The following RAI14 variants were observed in gnomAD, a reference collection of about 807,000 sequenced individuals.
RAI14 encodes retinoic acid induced 14.
Under a neutral mutation model 115.4 loss-of-function variants are expected in RAI14, and 45 were observed. That is an observed-to-expected ratio of 0.39 (90% CI 0.31 to 0.50). The LOEUF is 0.50. RAI14 is among the 20% of genes least tolerant of loss of function. The pLI is 0.85. For missense variants in RAI14, 939 were observed against 1,131.2 expected, an observed-to-expected ratio of 0.83 and a Z score of 2.44; for synonymous variants, 371 against 415.4, an observed-to-expected ratio of 0.89 and a Z score of 1.30.
At chr5:34,731,867 C>T (rs981923560) in intron 2 of RAI14, among the ~76,000 whole-genome samples, 21 of 152,180 alleles carry the variant, frequency 1.4e-4, no homozygotes, top group Non-Finnish European at 1.5e-5. Flanking sequence ...AACCCAAAAA[C>T]GAATGACCTG....
chr5:34,736,502 A>G (rs1383897364), intron 2 of RAI14, among the ~76,000 whole-genome samples: 1 of 152,178 alleles, frequency 6.6e-6, no homozygotes, highest in Non-Finnish European at 1.5e-5. Flanking sequence ...CCGTTCATTA[A>G]GTAGACTGAT....
At chr5:34,801,356 T>C (rs1322791462) in intron 4 of RAI14, among the ~76,000 whole-genome samples, 1 of 152,224 alleles carries the variant, frequency 6.6e-6, no homozygotes, top group African/African-American at 2.4e-5. Context: ...CATAGCCCTA[T>C]GGCCCACTAG....
chr5:34,761,374 G>A (rs1027316687), intron 3 of RAI14, among the ~76,000 whole-genome samples: 13 of 152,092 alleles, frequency 8.5e-5, no homozygotes, highest in Non-Finnish European at 1.8e-4. Flanking sequence ...GTTTTGTTTT[G>A]TTTTGTTTTT....
intron 1 of RAI14, chr5:34,685,642 A>G (rs1432639472): frequency 1.3e-5 from 2 of 150,994 alleles, no homozygotes; most frequent in African/African-American, 2.4e-5. Flanking sequence ...CTGGTTCTGA[A>G]TCTCATCATG....
chr5:34,814,148 G>C (rs1236938350), intron 11 of RAI14, among the ~76,000 whole-genome samples: 2 of 152,130 alleles, frequency 1.3e-5, no homozygotes, highest in African/African-American at 4.8e-5. Context: ...TATAGTGACG[G>C]TTGCATAGAG....
intron 10 of RAI14, among the ~76,000 whole-genome samples, chr5:34,812,679 G>C (rs561295737): frequency 7.2e-5 from 11 of 152,110 alleles, no homozygotes; most frequent in Admixed American, 1.3e-4. Flanking sequence ...AAAAAAAGGT[G>C]GTAAAGCTTT....
intron 2 of RAI14, among the ~76,000 whole-genome samples, chr5:34,708,305 C>G (rs1055860539): frequency 6.6e-6 from 1 of 151,652 alleles, no homozygotes; most frequent in Admixed American, 6.6e-5. Context: ...CGCGTTCAAG[C>G]GATTCTCCTG....
intron 3 of RAI14, among the ~76,000 whole-genome samples, chr5:34,788,439 C>T (rs1012810369): frequency 1.3e-5 from 2 of 152,122 alleles, no homozygotes. Flanking sequence ...ACCATTGGTT[C>T]TCTTTAGTCT....
At chr5:34,761,289 T>G (rs1748620893) in intron 3 of RAI14, among the ~76,000 whole-genome samples, 1 of 152,202 alleles carries the variant, frequency 6.6e-6, no homozygotes, top group African/African-American at 2.4e-5. Context: ...CAGGGTCAAG[T>G]GATCCTCCTG....
rs12446 is a variant in RAI14, at chr5:34,831,643, A to G, written c.*878A>G. 28,365 of 152,336 alleles carry G rather than the reference A, an allele frequency of 0.19. 2,913 individuals carry two copies. The highest frequency in any genetic ancestry group is 0.24 in the Middle Eastern group (71 of 294). 9.4% of individuals were successfully genotyped at this position (152,336 alleles called of 1,614,324 possible). A position where few individuals can be genotyped will look rare whatever the true frequency, so the allele number is the denominator to read the frequency against. On this transcript the variant is annotated 3_prime_UTR_variant, in exon 18 of 18. Transcript: ENST00000265109. Reference sequence around the variant, plus strand: ...TTTATTGGCTCATAAAGATGTTTTCATATCTGAACTCCTAAATAAGTGAAA... The same window carrying G: ...TTTATTGGCTCATAAAGATGTTTTCGTATCTGAACTCCTAAATAAGTGAAA...
At position 34,782,355 on chromosome 5, in the gene RAI14, C is replaced by T. The variant is rs527977122; in HGVS notation, c.168-13584C>T. On this transcript the variant is annotated intron_variant, in intron 3 of 17. Coordinates refer to ENST00000265109, the MANE Select transcript of RAI14 (RefSeq NM_015577.3). ...GCTACTTCTCCCAGGAGTCAGGTTC[C>T]GCATCTGCAGACTATACAGAGACAA... 1.9e-4 allele frequency among the ~76,000 whole-genome samples: 29 copies of T among 152,206 alleles called. No homozygotes were observed. In the South Asian group the frequency reaches 3.1e-3, roughly 16 times the overall value.
At chr5:34,733,386 G>A (rs1744436882) in intron 2 of RAI14, 1 of 152,188 alleles carries the variant, frequency 6.6e-6, no homozygotes, top group African/African-American at 2.4e-5. Flanking sequence ...AACCATATTT[G>A]AGATGTAATT....
chr5:34,666,292 C>T (rs937834010), intron 1 of RAI14, among the ~76,000 whole-genome samples: 1 of 151,716 alleles, frequency 6.6e-6, no homozygotes, highest in African/African-American at 2.4e-5. Flanking sequence ...ACAGATGTCC[C>T]GGCCCCCCGA....
At chr5:34,810,195 T>A (rs746952875) in intron 7 of RAI14, among the ~76,000 whole-genome samples, 5 of 152,220 alleles carry the variant, frequency 3.3e-5, no homozygotes, top group Non-Finnish European at 5.9e-5. Context: ...GCCTATTGAA[T>A]GCTTCTACCT....
chr5:34,729,274 G>T (rs530709834), intron 2 of RAI14, among the ~76,000 whole-genome samples: 1 of 151,462 alleles, frequency 6.6e-6, no homozygotes. Flanking sequence ...GCTTGAGCCC[G>T]GGAAGTTGAG....
At chr5:34,759,118 C>G (rs957801817) in intron 3 of RAI14, among the ~76,000 whole-genome samples, 3 of 152,122 alleles carry the variant, frequency 2.0e-5, no homozygotes, top group African/African-American at 7.2e-5. Context: ...GAAAAATTAG[C>G]CAGGTATGGT....
At chr5:34,772,818 A>G (rs1750346000) in intron 3 of RAI14, among the ~76,000 whole-genome samples, 3 of 152,194 alleles carry the variant, frequency 2.0e-5, no homozygotes, top group Non-Finnish European at 4.4e-5. Context: ...GAAAAAGAAA[A>G]TGAGAGCGAG....
rs1165412024 is a variant in RAI14 at position 34,803,562 on chromosome 5, AC to A, written c.257-149del. The A allele has an allele frequency of 1.3e-4, 87 of 646,748 alleles. No homozygotes were observed. In the African/African-American group the frequency reaches 1.4e-3, roughly 10 times the overall value. The allele number at this position is 646,748 out of a possible 1,614,324, so 40.1% of individuals were successfully genotyped here. ...ACAGAGTGAGACCCTGTCTCAAAAA[AC>A]AAAAAAACAAACAAACAAAAAAACA... On this transcript the variant is annotated intron_variant, in intron 4 of 17. Transcript: ENST00000265109.
intron 14 of RAI14, among the ~76,000 whole-genome samples, 182 bp from the exon 15 acceptor site, chr5:34,822,774 C>T (rs1325951844): frequency 7.0e-6 from 1 of 143,664 alleles, no homozygotes; most frequent in Non-Finnish European, 1.5e-5. Context: ...AGCTCCGCCT[C>T]CCGGGTTCAC....
Sources: gnomAD v4.1 joint callset for allele counts (sites outside exome capture counted in the v4.1 genomes callset) on GRCh38, gnomAD v4.1.1 for gene constraint, MANE v1.5 for transcripts, NCBI Gene and HGNC (gene_info 2026-07-23, HGNC 2026-07-21) for gene names.